DMRT1: variants seen among roughly 807,000 people sequenced by gnomAD.
DMRT1 encodes doublesex and mab-3 related transcription factor 1, also known as doublesex- and mab-3-related transcription factor 1.
Under a neutral mutation model 32.3 loss-of-function variants are expected in DMRT1, and 7 were observed. That is an observed-to-expected ratio of 0.22 (90% CI 0.12 to 0.41). The LOEUF (loss-of-function observed/expected upper bound fraction) is 0.41, where lower values mean the gene tolerates loss of function less well. DMRT1 is among the 10% of genes least tolerant of loss of function. DMRT1 has a pLI of 1.00. For missense variants in DMRT1, 625 were observed against 500.5 expected (o/e 1.25, Z -2.37); for synonymous variants, 278 against 206.1 (o/e 1.35, Z -2.99).
At chr9:883,814 A>G (rs895199141) in intron 2 of DMRT1, among the ~76,000 whole-genome samples, 1 of 151,970 alleles carries the variant, frequency 6.6e-6, no homozygotes, top group African/African-American at 2.4e-5. Flanking sequence ...AAATGGGGAA[A>G]ACAACTTACG....
chr9:897,159 C>G (rs35894629), intron 3 of DMRT1, among the ~76,000 whole-genome samples: 34 of 151,322 alleles, frequency 2.2e-4, no homozygotes, highest in Non-Finnish European at 3.7e-4. Context: ...GTCGCCCAGG[C>G]TGGGGTGCAG....
At chr9:889,516 G>A (rs1040922715) in intron 2 of DMRT1, among the ~76,000 whole-genome samples, 1 of 152,196 alleles carries the variant, frequency 6.6e-6, no homozygotes, top group Admixed American at 6.5e-5. Flanking sequence ...ACTAATTACA[G>A]TCAGCTGTAA....
chr9:852,740 G>T (rs901075025), intron 2 of DMRT1, among the ~76,000 whole-genome samples: 1 of 152,142 alleles, frequency 6.6e-6, no homozygotes, highest in African/African-American at 2.4e-5. Context: ...CCCTCCCCCA[G>T]ATCAAACCAC....
chr9:864,308 G>A (rs536457182), intron 2 of DMRT1, among the ~76,000 whole-genome samples: 1 of 146,112 alleles, frequency 6.8e-6, no homozygotes, highest in East Asian at 2.1e-4. Context: ...AGGTTCAAGC[G>A]ATTCTCCACT....
intron 2 of DMRT1, among the ~76,000 whole-genome samples, chr9:879,158 G>T (rs1589491607): frequency 1.3e-5 from 2 of 152,044 alleles, no homozygotes; most frequent in Admixed American, 1.3e-4. Context: ...AAAAAGACAG[G>T]GGCTGTTAAG....
chr9:891,006 C>T (rs1196277929), intron 2 of DMRT1, among the ~76,000 whole-genome samples: 1 of 151,166 alleles, frequency 6.6e-6, no homozygotes, highest in Non-Finnish European at 1.5e-5. Context: ...ACTGGGATTA[C>T]AGGCGTGAGC....
intron 2 of DMRT1, among the ~76,000 whole-genome samples, chr9:878,093 G>C (rs567124856): frequency 2.0e-5 from 3 of 152,114 alleles, no homozygotes; most frequent in African/African-American, 7.2e-5. Context: ...ATGGCCTTCC[G>C]GGGGTGGCAG....
chr9:912,688 G>GT (rs975468745), intron 3 of DMRT1, among the ~76,000 whole-genome samples: 114 of 152,200 alleles, frequency 7.5e-4, no homozygotes, highest in African/African-American at 2.7e-3. Context: ...GATTTAGCCT[G>GT]TTTTAGTTAA....
intron 2 of DMRT1, among the ~76,000 whole-genome samples, chr9:890,610 G>A (rs1054101897): frequency 6.6e-6 from 1 of 152,162 alleles, no homozygotes; most frequent in Non-Finnish European, 1.5e-5. Context: ...CTCAGCCAGT[G>A]GATGGTTTCT....
chr9:897,227 C>G (rs970838143), intron 3 of DMRT1, among the ~76,000 whole-genome samples: 3 of 151,824 alleles, frequency 2.0e-5, no homozygotes, highest in Admixed American at 6.6e-5. Context: ...ATTCTCCTGC[C>G]TCAGCCTACT....
At chr9:919,008 T>G (rs1338059052) in intron 4 of DMRT1, among the ~76,000 whole-genome samples, 2 of 152,192 alleles carry the variant, frequency 1.3e-5, no homozygotes, top group Non-Finnish European at 2.9e-5. Flanking sequence ...GAGAGCATGT[T>G]AGCCCTTCTG....
chr9:872,097 T>G (rs1053517385), intron 2 of DMRT1, among the ~76,000 whole-genome samples: 3 of 151,330 alleles, frequency 2.0e-5, no homozygotes, highest in Non-Finnish European at 4.4e-5. Context: ...CATCTCACTC[T>G]GTCACCCAGG....
chr9:853,706 T>C (rs997791692), intron 2 of DMRT1, among the ~76,000 whole-genome samples: 2 of 152,128 alleles, frequency 1.3e-5, no homozygotes, highest in African/African-American at 4.8e-5. Flanking sequence ...GGTTTCACCA[T>C]GTTGGCCAGG....
chr9:963,918 A>G (rs931924080), intron 4 of DMRT1, among the ~76,000 whole-genome samples: 1 of 152,272 alleles, frequency 6.6e-6, no homozygotes, highest in Non-Finnish European at 1.5e-5. Context: ...TGAAGAGGCC[A>G]GCAATTTTGT....
At chr9:875,824 C>G (rs912362949) in intron 2 of DMRT1, among the ~76,000 whole-genome samples, 1 of 152,090 alleles carries the variant, frequency 6.6e-6, no homozygotes, top group Admixed American at 6.5e-5. Flanking sequence ...TATGTACACA[C>G]ACATATATAT....
intron 4 of DMRT1, among the ~76,000 whole-genome samples, chr9:941,682 G>A (rs147615927): frequency 2.4e-4 from 37 of 152,110 alleles, no homozygotes; most frequent in Admixed American, 4.6e-4. Flanking sequence ...AAAATGGTTA[G>A]GATGGTAAAT....
rs185563145 is a variant in DMRT1, at chr9:882,726, G to C, written c.539-11186G>C. Reference sequence around the variant, plus strand: ...CTTCCTGCTTGATTTCTTTGATCTGGTTGTGCTCAGTGGCGCCCCCGTCTC... The same window carrying C: ...CTTCCTGCTTGATTTCTTTGATCTGCTTGTGCTCAGTGGCGCCCCCGTCTC... On this transcript the variant is annotated intron_variant, in intron 2 of 4. Transcript: ENST00000382276. 3.1e-3 allele frequency among the ~76,000 whole-genome samples: 465 copies of C among 147,762 alleles called. 1 individual carries two copies. Among genetic ancestry groups the C allele is most frequent in the Non-Finnish European group, 4.5e-3 (300 of 67,318 alleles).
At chr9:946,269 C>A (rs1296249031) in intron 4 of DMRT1, among the ~76,000 whole-genome samples, 1 of 152,038 alleles carries the variant, frequency 6.6e-6, no homozygotes, top group Non-Finnish European at 1.5e-5. Context: ...ACTGGCTGCA[C>A]CTGGTTACAA....
chr9:880,374 T>TTTTTAAAG (rs1168746793), intron 2 of DMRT1, among the ~76,000 whole-genome samples: 1 of 152,194 alleles, frequency 6.6e-6, no homozygotes, highest in Non-Finnish European at 1.5e-5. Flanking sequence ...ACATAACATT[T>TTTTTAAAG]TTTTAAAGTT....
Sources: allele counts gnomAD v4.1 joint callset (sites outside exome capture counted in the v4.1 genomes callset), GRCh38; gene constraint gnomAD v4.1.1; transcripts MANE v1.5; gene names NCBI Gene and HGNC (gene_info 2026-07-23, HGNC 2026-07-21).